The following MAMLD1 variants were observed in gnomAD, a reference collection of about 807,000 sequenced individuals.
MAMLD1 encodes mastermind-like domain-containing protein 1.
A neutral mutation model predicts 45.0 loss-of-function variants in MAMLD1; 14 were observed. The ratio of observed to expected loss-of-function variants is 0.31; its 90% CI spans 0.21 to 0.49. MAMLD1 has a LOEUF of 0.49. Ranked by LOEUF, MAMLD1 falls within the 20% of genes least tolerant of loss-of-function variation. The pLI is 0.99. For missense variants in MAMLD1, 543 were observed against 603.6 expected (o/e 0.90, Z 1.05); for synonymous variants, 254 against 247.8 (o/e 1.02, Z -0.24).
intron 1 of MAMLD1, among the ~76,000 whole-genome samples, chrX:150,407,395 T>G (rs1468027207): frequency 8.9e-6 from 1 of 112,279 alleles, no homozygotes; most frequent in Admixed American, 9.4e-5. Flanking sequence ...TACTGTGGTT[T>G]GTTGCCAACA....
intron 1 of MAMLD1, among the ~76,000 whole-genome samples, chrX:150,438,959 C>T (rs2035208118): frequency 8.9e-6 from 1 of 112,001 alleles, no homozygotes; most frequent in Admixed American, 9.4e-5. Context: ...TTTAAATTCC[C>T]ACCAGCAATG....
chrX:150,513,212 A>C lies in MAMLD1; in HGVS notation c.*1253A>C. 1.9e-6 allele frequency: 1 copy of C among 516,330 alleles called. No homozygotes were observed. The highest frequency in any genetic ancestry group is 3.0e-6 in the Non-Finnish European group (1 of 331,044). The allele number at this position is 516,330 out of a possible 1,213,427, so 42.6% of individuals were successfully genotyped here. A position where few individuals can be genotyped will look rare whatever the true frequency, so the allele number is the denominator to read the frequency against. ...CTTATCCCTCTCTCTACCTGTGACAAAATGGAAAGCTGGTGATTTTTCAAG... is the reference window on the plus strand; with the variant it reads ...CTTATCCCTCTCTCTACCTGTGACACAATGGAAAGCTGGTGATTTTTCAAG... On this transcript the variant is annotated 3_prime_UTR_variant, in exon 8 of 8. Transcript: ENST00000370401.
chrX:150,512,856 G>A lies in MAMLD1; in HGVS notation c.*897G>A, dbSNP rs782511956. 108 of 1,153,821 alleles carry A rather than the reference G, an allele frequency of 9.4e-5. No individual in the cohort carries two copies. The highest frequency in any genetic ancestry group is 1.2e-4 in the Non-Finnish European group (106 of 872,446). On this transcript the variant is annotated 3_prime_UTR_variant, in exon 8 of 8. Transcript: ENST00000370401. Reference sequence around the variant, plus strand: ...GAGCTGCCACCTGCCGACTTTTTGCGCCAGCCCCAACCCCCACTAAATGAT... The same window carrying A: ...GAGCTGCCACCTGCCGACTTTTTGCACCAGCCCCAACCCCCACTAAATGAT...
intron 1 of MAMLD1, among the ~76,000 whole-genome samples, chrX:150,371,750 G>T (rs2032007193): frequency 8.9e-6 from 1 of 111,805 alleles, no homozygotes; most frequent in South Asian, 3.8e-4. Context: ...GAGTGGGGAG[G>T]AGGAAGACAG....
At chrX:150,483,110 G>A (rs983989600) in intron 5 of MAMLD1, among the ~76,000 whole-genome samples, 2 of 112,138 alleles carry the variant, frequency 1.8e-5, no homozygotes, top group African/African-American at 3.2e-5. Context: ...AAAAGGTTAC[G>A]GTTCTCAACT....
rs782147184 is a variant in MAMLD1 at position 150,474,983 on chromosome X, C to T, written c.2040+1181C>T. ...GAGTGTTTGAGGCAAGAGCTGGGAC[C>T]GCTGTAGAAGGACAGATGGTGGCCC... On this transcript the variant is annotated intron_variant, in intron 5 of 7. Coordinates refer to ENST00000370401, the MANE Select transcript of MAMLD1 (RefSeq NM_005491.5). Among the ~76,000 whole-genome samples, 37 of 111,815 alleles carry T rather than the reference C, an allele frequency of 3.3e-4. No individual in the cohort carries two copies. In the South Asian group the frequency reaches 0.013, roughly 40 times the overall value.
At chrX:150,511,794 G>A (rs782079938) in intron 7 of MAMLD1, among the ~76,000 whole-genome samples, 7 of 112,047 alleles carry the variant, frequency 6.2e-5, no homozygotes, top group African/African-American at 2.3e-4. Flanking sequence ...CTAGGGAGTT[G>A]GGGCAGCTTC....
chrX:150,423,638 G>C (rs782462829), intron 1 of MAMLD1, among the ~76,000 whole-genome samples: 42 of 103,920 alleles, frequency 4.0e-4, no homozygotes, highest in Admixed American at 9.2e-4. Flanking sequence ...GAGAGAGAGA[G>C]AGTATACCAA....
At position 150,512,780 on chromosome X, in the gene MAMLD1, G is replaced by C; in HGVS notation, c.*821G>C. ...TGCCACCGCTGCTGCTGCTTCTGCC[G>C]TTGCTGCCAGCCAGTTCCCAGGTCC... On this transcript the variant is annotated 3_prime_UTR_variant, in exon 8 of 8. Coordinates refer to ENST00000370401, the MANE Select transcript of MAMLD1 (RefSeq NM_005491.5). 1 of 1,155,515 alleles carries C rather than the reference G, an allele frequency of 8.7e-7. No individual in the cohort carries two copies. Among genetic ancestry groups the C allele is most frequent in the Non-Finnish European group, 1.1e-6 (1 of 872,473 alleles).
chrX:150,391,649 G>A (rs1386987157), intron 1 of MAMLD1, among the ~76,000 whole-genome samples: 1 of 111,323 alleles, frequency 9.0e-6, no homozygotes, highest in Non-Finnish European at 1.9e-5. Context: ...TTTTTATGAT[G>A]ATTTATTTAA....
intron 1 of MAMLD1, among the ~76,000 whole-genome samples, chrX:150,397,714 C>A (rs1203669024): frequency 9.0e-6 from 1 of 111,246 alleles, no homozygotes; most frequent in Non-Finnish European, 1.9e-5. Flanking sequence ...TGGACACTCA[C>A]CAGACACTGA....
chrX:150,514,151 T>A lies in MAMLD1; in HGVS notation c.*2192T>A, dbSNP rs1299018746. ...AAGCCAGTGTGTTTTTTCTTCGTTC[T>A]GTAATAAACAGCCAGGAGAAAAGTG... On this transcript the variant is annotated 3_prime_UTR_variant, in exon 8 of 8. Coordinates refer to ENST00000370401, the MANE Select transcript of MAMLD1 (RefSeq NM_005491.5). 9.9e-6 allele frequency: 2 copies of A among 201,566 alleles called. No individual in the cohort carries two copies. The highest frequency in any genetic ancestry group is 5.8e-5 in the African/African-American group (2 of 34,377). 16.6% of individuals were successfully genotyped at this position (201,566 alleles called of 1,213,427 possible).
At chrX:150,466,524 T>A (rs1213539952) in intron 3 of MAMLD1, among the ~76,000 whole-genome samples, 2 of 112,315 alleles carry the variant, frequency 1.8e-5, no homozygotes, top group African/African-American at 6.5e-5. Flanking sequence ...CAGGTGAGCC[T>A]GCCCCCTTTA....
rs1300244236 is a variant in MAMLD1 at position 150,510,111 on chromosome X, A to T, written c.*44+65A>T. On this transcript the variant is annotated intron_variant, in intron 7 of 7. Transcript: ENST00000370401. ...GGGGTGCATATGTGGAAGTGGGGTG[A>T]GAATTCATTTCAGAGTAAGCAGTTA... 5 of 724,536 alleles carry T rather than the reference A, an allele frequency of 6.9e-6. No homozygotes were observed. The East Asian group carries it at 1.3e-4, about 19-fold the overall frequency. 59.7% of individuals were successfully genotyped at this position (724,536 alleles called of 1,213,427 possible).
chrX:150,456,310 A>T (rs1441220403), intron 2 of MAMLD1, among the ~76,000 whole-genome samples: 1 of 110,582 alleles, frequency 9.0e-6, no homozygotes, highest in Non-Finnish European at 1.9e-5. Context: ...ACTTTTAGTA[A>T]GCCACCTGCA....
At chrX:150,475,025 C>T (rs935331880) in intron 5 of MAMLD1, among the ~76,000 whole-genome samples, 1 of 112,060 alleles carries the variant, frequency 8.9e-6, no homozygotes, top group African/African-American at 3.2e-5. Flanking sequence ...TGGGGAAGAA[C>T]ATATTTCCCA....
At chrX:150,504,625 G>A (rs1230455006) in intron 6 of MAMLD1, 13 of 594,584 alleles carry the variant, frequency 2.2e-5, no homozygotes, top group Middle Eastern at 1.0e-3. Context: ...TCAGGATGTC[G>A]CTGTTTCCAC....
intron 1 of MAMLD1, among the ~76,000 whole-genome samples, chrX:150,374,178 G>A (rs868912961): frequency 2.7e-5 from 3 of 112,642 alleles, no homozygotes; most frequent in Admixed American, 9.4e-5. Context: ...AAAATAACAC[G>A]CAATGTTGCA....
chrX:150,411,068 G>A (rs2034112403), intron 1 of MAMLD1, among the ~76,000 whole-genome samples: 1 of 111,763 alleles, frequency 8.9e-6, no homozygotes, highest in African/African-American at 3.3e-5. Context: ...CTGTGGCCCA[G>A]GGAAGTAAAA....
Sources: allele counts gnomAD v4.1 joint callset (sites outside exome capture counted in the v4.1 genomes callset), GRCh38; gene constraint gnomAD v4.1.1; transcripts MANE v1.5; gene names NCBI Gene and HGNC (gene_info 2026-07-23, HGNC 2026-07-21).